Variants in PAN3 observed in about 807,000 individuals in gnomAD.
PAN3 encodes the protein PAN2-PAN3 deadenylation complex subunit PAN3.
PAN3 carries 19 observed loss-of-function variants against 96.2 expected under a neutral mutation model. That is an observed-to-expected ratio of 0.20 (90% CI 0.14 to 0.29). The LOEUF (loss-of-function observed/expected upper bound fraction) is 0.29, where lower values mean the gene tolerates loss of function less well. Among genes scored for constraint, PAN3 ranks in the 10% least tolerant of loss-of-function variants. The pLI is 1.00. For synonymous variants in PAN3, 433 were observed against 406.6 expected (o/e 1.06, Z -0.78); for missense variants, 882 against 1,108.1 (o/e 0.80, Z 2.90).
chr13:28,183,687 G>A (rs555723429), intron 4 of PAN3, among the ~76,000 whole-genome samples: 1 of 152,302 alleles, frequency 6.6e-6, no homozygotes, highest in South Asian at 2.1e-4. Flanking sequence ...GTTGGATAGT[G>A]GTTAAGGCTT....
chr13:28,255,528 G>A (rs1001410624), intron 6 of PAN3, among the ~76,000 whole-genome samples: 7 of 151,968 alleles, frequency 4.6e-5, no homozygotes, highest in Non-Finnish European at 4.4e-5. Context: ...AATAGAGGGC[G>A]CTTTGCACAT....
Position 28,256,575 on chromosome 13 carries a change from C to A in PAN3, c.1248+36C>A. On this transcript the variant is annotated intron_variant, in intron 7 of 18. Transcript: ENST00000380958. ...ATTAAAGAGGAAATTTTAGTACTCT[C>A]TTGTAACAGGACCTTCTTAGTTGTG... 3 of 1,577,024 alleles carry A rather than the reference C, an allele frequency of 1.9e-6. No individual in the cohort carries two copies. The South Asian group carries it at 3.5e-5, about 19-fold the overall frequency.
chr13:28,183,835 G>GT (rs1352294430), intron 4 of PAN3, among the ~76,000 whole-genome samples: 4 of 152,162 alleles, frequency 2.6e-5, no homozygotes, highest in African/African-American at 9.7e-5. Context: ...AAGTAAGGTT[G>GT]TTTTCAGGAC....
chr13:28,252,547 T>C (rs1412882245), intron 6 of PAN3, among the ~76,000 whole-genome samples: 1 of 152,210 alleles, frequency 6.6e-6, no homozygotes, highest in African/African-American at 2.4e-5. Context: ...CATTTCTTTC[T>C]TTTGTTAGTT....
intron 2 of PAN3, among the ~76,000 whole-genome samples, chr13:28,175,161 A>G (rs9319418): frequency 0.094 from 14,305 of 152,188 alleles, 842 homozygotes; most frequent in African/African-American, 0.17. Flanking sequence ...TGTCCTTTCT[A>G]GTTTCTGTGA....
In PAN3 at chr13:28,260,563, G is replaced by T. The variant is rs1450616069; in HGVS notation, c.1353+12G>T. The T allele has an allele frequency of 6.3e-7, 1 of 1,587,074 alleles. No individual in the cohort carries two copies. The highest frequency in any genetic ancestry group is 1.7e-5 in the Admixed American group (1 of 59,942). ...ATGAACTCCGACAGGTATGCTTTCA[G>T]AATTCATAGTAGGAATACTTAATGT... On this transcript the variant is annotated intron_variant, in intron 8 of 18. Coordinates refer to ENST00000380958, the MANE Select transcript of PAN3 (RefSeq NM_175854.8).
chr13:28,200,573 T>A (rs45595940), intron 5 of PAN3, among the ~76,000 whole-genome samples: 59 of 152,354 alleles, frequency 3.9e-4, no homozygotes, highest in African/African-American at 1.3e-3. Context: ...TATTACTTAG[T>A]AATCTTTTAA....
intron 5 of PAN3, among the ~76,000 whole-genome samples, chr13:28,213,702 C>CAAAAA (rs779035643): frequency 2.6e-5 from 2 of 78,338 alleles, no homozygotes; most frequent in African/African-American, 3.9e-5. Context: ...GAAAAAACAG[C>CAAAAA]AAAAAAAAAA....
intron 5 of PAN3, among the ~76,000 whole-genome samples, chr13:28,210,299 A>G (rs1879877784): frequency 6.6e-6 from 1 of 152,140 alleles, no homozygotes. Context: ...CTCCATTCTA[A>G]TGTAAAGCTT....
intron 1 of PAN3, among the ~76,000 whole-genome samples, chr13:28,154,686 G>A (rs534822682): frequency 6.6e-6 from 1 of 151,894 alleles, no homozygotes; most frequent in East Asian, 1.9e-4. Flanking sequence ...AGTAGAGACA[G>A]GGTTTCGTCA....
At chr13:28,257,747 AAT>A (rs1566235137) in intron 7 of PAN3, among the ~76,000 whole-genome samples, 1 of 114,292 alleles carries the variant, frequency 8.7e-6, no homozygotes, top group Non-Finnish European at 2.0e-5. Context: ...AATTATATAT[AAT>A]ATATAATTAA....
chr13:28,139,183 G>A (rs1869239625), intron 1 of PAN3, 96 bp downstream of exon 1: 3 of 1,212,582 alleles, frequency 2.5e-6, no homozygotes, highest in Admixed American at 4.2e-5. Flanking sequence ...ACGGCCCGCG[G>A]GCTCCCCCCC....
Position 28,174,320 on chromosome 13 carries a change from C to A in PAN3, c.479C>A (p.Ser160Tyr), listed in dbSNP as rs1310895477. Residue 160 changes from serine (S) to tyrosine (Y), a missense_variant, in exon 2 of 19, where the codon TCC becomes TAC. Physicochemically the swap from Ser to Tyr is moderately radical, Grantham distance 144. Transcript: ENST00000380958. Reference sequence around the variant, plus strand: ...TTAACTGATACAAGTCTCACAGATTCCTATTTTAGCACCAGCTTTATTGGA... The same window carrying A: ...TTAACTGATACAAGTCTCACAGATTACTATTTTAGCACCAGCTTTATTGGA... ...GALTDTSLTD[S>Y]YFSTSFIGVN... 1 of 1,612,622 alleles carries A rather than the reference C, an allele frequency of 6.2e-7. No individual in the cohort carries two copies. Among genetic ancestry groups the A allele is most frequent in the South Asian group, 1.1e-5 (1 of 91,040 alleles).
rs540651037 is a variant in PAN3, at chr13:28,153,280, G to T, written c.430+14193G>T. 8.5e-5 allele frequency among the ~76,000 whole-genome samples: 11 copies of T among 129,536 alleles called. No individual in the cohort carries two copies. The East Asian group carries it at 2.4e-3, about 29-fold the overall frequency. 85.0% of individuals were successfully genotyped at this position (129,536 alleles called of 152,430 possible). A position where few individuals can be genotyped will look rare whatever the true frequency, so the allele number is the denominator to read the frequency against. Reference sequence around the variant, plus strand: ...GAGACCGAGTCTCGCTCTGTTGCCAGCCTGGAGTGCAATGGCGCGATCTCG... The same window carrying T: ...GAGACCGAGTCTCGCTCTGTTGCCATCCTGGAGTGCAATGGCGCGATCTCG... On this transcript the variant is annotated intron_variant, in intron 1 of 18. Transcript: ENST00000380958.
At chr13:28,277,111 G>A (rs1593622490) in intron 14 of PAN3, 126 bp from the exon 15 acceptor site, 1 of 916,498 alleles carries the variant, frequency 1.1e-6, no homozygotes, top group Non-Finnish European at 1.6e-6. Flanking sequence ...AGAATCACCA[G>A]TATTTGAGGA....
At chr13:28,239,207 A>G (rs1281037679) in intron 6 of PAN3, among the ~76,000 whole-genome samples, 1 of 132,388 alleles carries the variant, frequency 7.6e-6, no homozygotes, top group African/African-American at 2.8e-5. Context: ...ACACGCACAC[A>G]CACACACACA....
chr13:28,168,808 G>A (rs574167500), intron 1 of PAN3, among the ~76,000 whole-genome samples: 7 of 152,106 alleles, frequency 4.6e-5, no homozygotes, highest in Admixed American at 1.3e-4. Flanking sequence ...CATGAGGTCA[G>A]GAGATGGAGA....
At position 28,227,731 on chromosome 13, in the gene PAN3, A is replaced by G. The variant is rs17086419; in HGVS notation, c.1000+7353A>G. Among the ~76,000 whole-genome samples, 666 of 152,320 alleles carry G rather than the reference A, an allele frequency of 4.4e-3. 9 individuals are homozygous for G. The highest frequency in any genetic ancestry group is 0.015 in the African/African-American group (633 of 41,574). Reference sequence around the variant, plus strand: ...AATGAAGACAGTGGTGCGAAGTAGTAAAAAGGGAAGGATAACATTTGTACT... The same window carrying G: ...AATGAAGACAGTGGTGCGAAGTAGTGAAAAGGGAAGGATAACATTTGTACT... On this transcript the variant is annotated intron_variant, in intron 6 of 18. Coordinates refer to ENST00000380958, the MANE Select transcript of PAN3 (RefSeq NM_175854.8).
In PAN3 at chr13:28,293,668, T is replaced by A. The variant is rs1451904885; in HGVS notation, c.*1146T>A. ...ACTCACTCTGTGCGATATTCCTGAA[T>A]AAGTCCATCTCAAAAGTTTGGGATT... On this transcript the variant is annotated 3_prime_UTR_variant, in exon 19 of 19. Coordinates refer to ENST00000380958, the MANE Select transcript of PAN3 (RefSeq NM_175854.8). 2.0e-5 allele frequency: 3 copies of A among 152,604 alleles called. No homozygotes were observed. Among genetic ancestry groups the A allele is most frequent in the Admixed American group, 6.5e-5 (1 of 15,288 alleles). 9.5% of individuals were successfully genotyped at this position (152,604 alleles called of 1,614,324 possible).
Sources: gnomAD v4.1 joint callset for allele counts (sites outside exome capture counted in the v4.1 genomes callset) on GRCh38, gnomAD v4.1.1 for gene constraint, MANE v1.5 for transcripts, NCBI Gene and HGNC (gene_info 2026-07-23, HGNC 2026-07-21) for gene names.